The following FAM228B variants were observed in gnomAD, a reference collection of about 807,000 sequenced individuals.
The protein encoded by FAM228B is family with sequence similarity 228 member B, also known as protein FAM228B.
FAM228B carries 38 observed loss-of-function variants against 42.6 expected under a neutral mutation model. The ratio of observed to expected loss-of-function variants is 0.89; its 90% CI spans 0.69 to 1.17. The LOEUF is 1.17. FAM228B is among the 50% of genes most tolerant of loss of function. The pLI, the probability that FAM228B is intolerant of heterozygous loss-of-function variation, is 0.00. For missense variants in FAM228B, 344 were observed against 367.3 expected, an observed-to-expected ratio of 0.94 and a Z score of 0.52; for synonymous variants, 109 against 122.3, an observed-to-expected ratio of 0.89 and a Z score of 0.72.
chr2:24,126,527 T>C (rs571292541), intron 2 of FAM228B, among the ~76,000 whole-genome samples: 91 of 152,204 alleles, frequency 6.0e-4, no homozygotes, highest in South Asian at 1.2e-3. Flanking sequence ...CACTTTAAAA[T>C]TGGCAATTTT....
intron 7 of FAM228B, among the ~76,000 whole-genome samples, chr2:24,155,571 G>T (rs111624841): frequency 3.0e-5 from 3 of 100,136 alleles, no homozygotes; most frequent in Non-Finnish European, 5.6e-5. Flanking sequence ...ATGGATTTTC[G>T]CGCCTGTTGC....
At chr2:24,154,324 T>C (rs1667085501) in intron 7 of FAM228B, among the ~76,000 whole-genome samples, 1 of 152,258 alleles carries the variant, frequency 6.6e-6, no homozygotes, top group African/African-American at 2.4e-5. Context: ...CTTTGCCATA[T>C]ACTATTTTCA....
intron 1 of FAM228B, chr2:24,079,221 C>G (rs1664889539): frequency 3.7e-6 from 2 of 543,204 alleles, no homozygotes; most frequent in African/African-American, 3.8e-5. Context: ...TTCAGATAAC[C>G]TGTGAAGTAT....
In FAM228B at chr2:24,139,355, A is replaced by G; in HGVS notation, c.361-15A>G. 3 of 1,480,552 alleles carry G rather than the reference A, an allele frequency of 2.0e-6. No homozygotes were observed. The highest frequency in any genetic ancestry group is 1.8e-6 in the Non-Finnish European group (2 of 1,087,786). The allele number at this position is 1,480,552 out of a possible 1,614,324, so 91.7% of individuals were successfully genotyped here. A position where few individuals can be genotyped will look rare whatever the true frequency, so the allele number is the denominator to read the frequency against. The stretch of plus-strand genomic sequence containing the variant: ...ACCTCTTGTTCTTGTGTATCGTTTT[A>G]TTTCCTTGCTATAGGGAAATGCATT... On this transcript the variant is annotated splice_polypyrimidine_tract_variant and intron_variant, in intron 4 of 10. Transcript: ENST00000615575.
upstream of FAM228B, chr2:24,121,135 C>A: frequency 6.2e-7 from 1 of 1,612,478 alleles, no homozygotes; most frequent in Non-Finnish European, 8.5e-7. Context: ...TTCTTTTACT[C>A]AGCTCTCTTC....
rs746076048 is a variant in FAM228B at position 24,084,310 on chromosome 2, A to G, written c.-210+3355A>G. 2 of 1,613,958 alleles carry G rather than the reference A, an allele frequency of 1.2e-6. No individual in the cohort carries two copies. Among genetic ancestry groups the G allele is most frequent in the Admixed American group, 1.7e-5 (1 of 60,018 alleles). ...GTTTTCCGGTCCTCCCGGCTTGTCA[A>G]AGTGCACGGCTAACATATTGTCTGA... On this transcript the variant is annotated intron_variant, in intron 2 of 10. Coordinates refer to the FAM228B transcript ENST00000613899. The surrounding 1 kb of genome is among the most constrained non-coding windows in gnomAD (Gnocchi z 8.4).
chr2:24,104,387 C>T (rs753600416), intron 3 of FAM228B, among the ~76,000 whole-genome samples: 3 of 152,230 alleles, frequency 2.0e-5, no homozygotes, highest in Non-Finnish European at 2.9e-5. Context: ...CAGCCAGCGC[C>T]GAAGCCCCAG....
Position 24,077,522 on chromosome 2 carries a change from C to G in FAM228B, c.-290+553C>G. On this transcript the variant is annotated intron_variant, in intron 1 of 10. Transcript: ENST00000613899. This position sits in a 1 kb window ranked among gnomAD's most constrained non-coding sequence, Gnocchi z 5.5. ...TTGGCCTGTCTATTGTGAATCTTCTCCAGGTTTGCTCTGGAAAGGCCTGGG... is the reference window on the plus strand; with the variant it reads ...TTGGCCTGTCTATTGTGAATCTTCTGCAGGTTTGCTCTGGAAAGGCCTGGG... The G allele has an allele frequency of 1.9e-6, 3 of 1,538,852 alleles. No homozygotes were observed. The highest frequency in any genetic ancestry group is 2.4e-5 in the South Asian group (2 of 82,194).
At chr2:24,144,709 T>C (rs1666852141) in intron 5 of FAM228B, among the ~76,000 whole-genome samples, 1 of 152,128 alleles carries the variant, frequency 6.6e-6, no homozygotes, top group South Asian at 2.1e-4. Context: ...CGGCTCACTT[T>C]CTTGCACCCA....
At chr2:24,103,007 G>A (rs1665635799) in intron 3 of FAM228B, among the ~76,000 whole-genome samples, 1 of 152,082 alleles carries the variant, frequency 6.6e-6, no homozygotes, top group South Asian at 2.1e-4. Flanking sequence ...CTCCTTTCCT[G>A]GATGAATTAT....
At chr2:24,132,723 A>G (rs1364680610) in intron 2 of FAM228B, among the ~76,000 whole-genome samples, 2 of 151,740 alleles carry the variant, frequency 1.3e-5, no homozygotes, top group Non-Finnish European at 2.9e-5. Flanking sequence ...TCTAGATTAC[A>G]TTTTGGACAT....
chr2:24,134,274 G>A (rs371455125), intron 2 of FAM228B, among the ~76,000 whole-genome samples: 1 of 152,058 alleles, frequency 6.6e-6, no homozygotes, highest in African/African-American at 2.4e-5. Flanking sequence ...GGAAGAACAC[G>A]AAAAAGAACA....
chr2:24,153,842 C>G (rs1184202477), intron 7 of FAM228B, among the ~76,000 whole-genome samples: 1 of 152,224 alleles, frequency 6.6e-6, no homozygotes, highest in Non-Finnish European at 1.5e-5. Context: ...CTTCAGCCCA[C>G]AATGGTGAGG....
chr2:24,122,479 GTCCACATGCTTGGT>G, upstream of FAM228B: 2 of 1,614,144 alleles, frequency 1.2e-6, no homozygotes, highest in Non-Finnish European at 1.7e-6. Context: ...GGGCTGCACT[GTCCACATGCTTGGT>G]TCCCAAGAGG....
chr2:24,145,980 C>T (rs1029884503), intron 5 of FAM228B, among the ~76,000 whole-genome samples: 1 of 152,212 alleles, frequency 6.6e-6, no homozygotes, highest in Non-Finnish European at 1.5e-5. Flanking sequence ...TGAGCCACTG[C>T]ACCCTGCCTT....
intron 2 of FAM228B, among the ~76,000 whole-genome samples, chr2:24,133,990 A>G (rs1431705191): frequency 6.6e-6 from 1 of 152,192 alleles, no homozygotes; most frequent in Non-Finnish European, 1.5e-5. Context: ...ATTTGTTCCA[A>G]TTATATTTAT....
intron 5 of FAM228B, among the ~76,000 whole-genome samples, chr2:24,141,718 T>C (rs969656970): frequency 2.2e-4 from 33 of 152,226 alleles, no homozygotes; most frequent in Non-Finnish European, 7.3e-5. Context: ...GGATAATTTT[T>C]ACCCTTTTTA....
intron 3 of FAM228B, among the ~76,000 whole-genome samples, chr2:24,107,125 C>T (rs938190439): frequency 1.3e-5 from 2 of 151,986 alleles, no homozygotes; most frequent in African/African-American, 2.4e-5. Context: ...GCAGGGGTTG[C>T]AATCATAATT....
intron 7 of FAM228B, among the ~76,000 whole-genome samples, chr2:24,156,553 G>A (rs1301090110): frequency 1.3e-5 from 2 of 152,198 alleles, no homozygotes; most frequent in Admixed American, 1.3e-4. Context: ...AGAATCGCTT[G>A]AACCCTGGAG....
Sources: allele counts gnomAD v4.1 joint callset (sites outside exome capture counted in the v4.1 genomes callset), GRCh38; gene constraint gnomAD v4.1.1; non-coding constraint Gnocchi (gnomAD v3.1); transcripts MANE v1.5; gene names NCBI Gene and HGNC (gene_info 2026-07-23, HGNC 2026-07-21).